Variants in MECOM observed in about 807,000 individuals in gnomAD.
MECOM encodes MDS1 and EVI1 complex locus.
In MECOM, 13 loss-of-function variants were observed where a neutral mutation model predicts 116.3. That is an observed-to-expected ratio of 0.11 (90% CI 0.07 to 0.18). The LOEUF is 0.18. Ranked by LOEUF, MECOM falls within the 10% of genes least tolerant of loss-of-function variation. The pLI, the probability that MECOM is intolerant of heterozygous loss-of-function variation, is 1.00. For synonymous variants in MECOM, 528 were observed against 535.2 expected (o/e 0.99, Z 0.19); for missense variants, 1,299 against 1,509.0 (o/e 0.86, Z 2.31).
intron 1 of MECOM, among the ~76,000 whole-genome samples, chr3:169,411,357 A>G (rs1737525139): frequency 6.6e-6 from 1 of 152,238 alleles, no homozygotes; most frequent in Non-Finnish European, 1.5e-5. Context: ...AGGAATGTTT[A>G]TAAAAGTACT....
At chr3:169,561,193 C>T (rs1159274298) in intron 1 of MECOM, among the ~76,000 whole-genome samples, 6 of 151,810 alleles carry the variant, frequency 4.0e-5, no homozygotes, top group East Asian at 1.9e-4. Flanking sequence ...AATATTGGAG[C>T]TTTCATACAC....
intron 2 of MECOM, among the ~76,000 whole-genome samples, chr3:169,245,170 G>A (rs1040073699): frequency 6.6e-6 from 1 of 152,064 alleles, no homozygotes. Flanking sequence ...TTTGAAATAT[G>A]CAAAACATAA....
chr3:169,435,816 A>C (rs1742536602), intron 1 of MECOM, among the ~76,000 whole-genome samples: 1 of 152,190 alleles, frequency 6.6e-6, no homozygotes, highest in Non-Finnish European at 1.5e-5. Flanking sequence ...TAACCACATA[A>C]ATCAGTATAA....
intron 1 of MECOM, among the ~76,000 whole-genome samples, chr3:169,443,981 T>C (rs566971804): frequency 5.0e-4 from 76 of 152,330 alleles, no homozygotes; most frequent in African/African-American, 1.7e-3. Flanking sequence ...TCCCCATATT[T>C]TCATCCCCAA....
At chr3:169,628,057 CAG>C (rs1560510198) in intron 1 of MECOM, among the ~76,000 whole-genome samples, 1 of 152,292 alleles carries the variant, frequency 6.6e-6, no homozygotes, top group Middle Eastern at 3.4e-3. Flanking sequence ...AGAGCACCCC[CAG>C]AGAGAACTTC....
At chr3:169,451,424 G>T (rs1220945634) in intron 1 of MECOM, among the ~76,000 whole-genome samples, 3 of 152,196 alleles carry the variant, frequency 2.0e-5, no homozygotes, top group African/African-American at 7.2e-5. Flanking sequence ...AGGTTCCAGT[G>T]GTTATAAAGA....
chr3:169,222,424 C>G (rs1410788833), intron 2 of MECOM, among the ~76,000 whole-genome samples: 1 of 152,154 alleles, frequency 6.6e-6, no homozygotes, highest in East Asian at 1.9e-4. Context: ...CCTGACTGGT[C>G]ACATGATTTT....
At chr3:169,228,560 T>C (rs1361685144) in intron 2 of MECOM, among the ~76,000 whole-genome samples, 3 of 152,072 alleles carry the variant, frequency 2.0e-5, no homozygotes, top group African/African-American at 7.2e-5. Flanking sequence ...AAAAACAGGA[T>C]AAAAATAGAA....
intron 3 of MECOM, chr3:169,133,828 TA>T: frequency 5.5e-6 from 5 of 915,766 alleles, no homozygotes; most frequent in Non-Finnish European, 7.6e-6. Flanking sequence ...ACTTTCCAGT[TA>T]AATACTTATA....
intron 1 of MECOM, among the ~76,000 whole-genome samples, chr3:169,448,628 T>C (rs1246302021): frequency 6.6e-6 from 1 of 152,148 alleles, no homozygotes; most frequent in Non-Finnish European, 1.5e-5. Context: ...GTGAGACCCC[T>C]GGCCTGGGAA....
At chr3:169,090,546 T>C (rs1719372453) in intron 14 of MECOM, among the ~76,000 whole-genome samples, 1 of 152,078 alleles carries the variant, frequency 6.6e-6, no homozygotes, top group South Asian at 2.1e-4. Context: ...ATATATCATA[T>C]AAAAAGGCAC....
At chr3:169,321,770 CA>C (rs897159557) in intron 2 of MECOM, among the ~76,000 whole-genome samples, 11 of 152,002 alleles carry the variant, frequency 7.2e-5, no homozygotes, top group African/African-American at 2.4e-4. Context: ...AGTACAGATA[CA>C]AGGTTCAATT....
intron 1 of MECOM, among the ~76,000 whole-genome samples, chr3:169,422,610 A>G (rs1467866413): frequency 6.6e-6 from 1 of 152,104 alleles, no homozygotes; most frequent in African/African-American, 2.4e-5. Context: ...AATGGAGTCA[A>G]GAAAGACAAT....
chr3:169,219,465 C>G (rs1463848833), intron 2 of MECOM, among the ~76,000 whole-genome samples: 2 of 152,160 alleles, frequency 1.3e-5, no homozygotes, highest in Non-Finnish European at 2.9e-5. Context: ...CAAGATGGCG[C>G]CACTGCACTC....
At chr3:169,399,044 G>A (rs538349849) in intron 1 of MECOM, among the ~76,000 whole-genome samples, 33 of 152,132 alleles carry the variant, frequency 2.2e-4, no homozygotes, top group Admixed American at 1.9e-3. Context: ...TACATAAAAC[G>A]TACCTCAAAA....
intron 1 of MECOM, among the ~76,000 whole-genome samples, chr3:169,585,519 G>T (rs1485772313): frequency 1.3e-5 from 2 of 151,808 alleles, no homozygotes; most frequent in African/African-American, 4.8e-5. Flanking sequence ...TCCTCATTTC[G>T]CCTCTACCTC....
chr3:169,549,118 C>T (rs11707770), intron 1 of MECOM, among the ~76,000 whole-genome samples: 23,767 of 151,900 alleles, frequency 0.16, 2,230 homozygotes, highest in East Asian at 0.35. Context: ...GGACTACAGG[C>T]GCATGCCACC....
At chr3:169,345,355 A>AT (rs1338327486) in intron 2 of MECOM, among the ~76,000 whole-genome samples, 1 of 152,142 alleles carries the variant, frequency 6.6e-6, no homozygotes. Flanking sequence ...AGAAAAAAAA[A>AT]GACATCATGG....
intron 2 of MECOM, chr3:169,146,514 C>T (rs1175501363): frequency 7.2e-7 from 1 of 1,379,910 alleles, no homozygotes; most frequent in South Asian, 1.1e-5. Context: ...CGTGTCCAGA[C>T]CGCACCGTTT....
Sources: allele counts gnomAD v4.1 joint callset (sites outside exome capture counted in the v4.1 genomes callset), GRCh38; gene constraint gnomAD v4.1.1; transcripts MANE v1.5; gene names NCBI Gene and HGNC (gene_info 2026-07-23, HGNC 2026-07-21).